The following DGAT2 variants were observed in gnomAD, a reference collection of about 807,000 sequenced individuals.
The protein encoded by DGAT2 is diacylglycerol O-acyltransferase 2, also known as acyl-CoA retinol O-fatty-acyltransferase.
DGAT2 carries 33 observed loss-of-function variants against 48.4 expected under a neutral mutation model. The observed-to-expected ratio is 0.68, with a 90% CI of 0.52 to 0.91. The LOEUF (loss-of-function observed/expected upper bound fraction) is 0.91. Among genes scored for constraint, DGAT2 ranks in the 40% least tolerant of loss-of-function variants. DGAT2 has a pLI of 0.00. For missense variants in DGAT2, 446 were observed against 493.7 expected (o/e 0.90, Z 0.92); for synonymous variants, 191 against 194.1 (o/e 0.98, Z 0.13).
intron 1 of DGAT2, among the ~76,000 whole-genome samples, chr11:75,778,316 T>C (rs1311133528): frequency 6.6e-6 from 1 of 152,162 alleles, no homozygotes; most frequent in Non-Finnish European, 1.5e-5. Flanking sequence ...CTAGATCTTG[T>C]CTTCAGGGCC....
intron 1 of DGAT2, among the ~76,000 whole-genome samples, chr11:75,779,473 T>C (rs1415709250): frequency 1.3e-5 from 2 of 152,208 alleles, no homozygotes; most frequent in Non-Finnish European, 2.9e-5. Flanking sequence ...TTTCCTTCTC[T>C]GTGAAACAGG....
At chr11:75,769,356 C>A (rs1404626460) in intron 1 of DGAT2, among the ~76,000 whole-genome samples, 2 of 152,156 alleles carry the variant, frequency 1.3e-5, no homozygotes, top group East Asian at 3.9e-4. Flanking sequence ...TCCCCAGCCC[C>A]CACTGCGGCT....
chr11:75,775,842 G>A (rs1339392827), intron 1 of DGAT2: 1 of 152,274 alleles, frequency 6.6e-6, no homozygotes, highest in Non-Finnish European at 1.5e-5. Flanking sequence ...GGCCTCCCCT[G>A]GATTCCTAGT....
chr11:75,784,344 T>C (rs756394525), intron 1 of DGAT2: 2 of 306,256 alleles, frequency 6.5e-6, no homozygotes, highest in Non-Finnish European at 1.2e-5. Context: ...GACTAGCCTC[T>C]TTAGATACTT....
At chr11:75,790,366 C>A in intron 3 of DGAT2, 71 bp downstream of exon 3, 1 of 1,299,058 alleles carries the variant, frequency 7.7e-7, no homozygotes, top group Non-Finnish European at 1.1e-6. Flanking sequence ...AGCTGAAGGG[C>A]CTCATCCTGA....
At chr11:75,769,318 T>G (rs1944733009) in intron 1 of DGAT2, among the ~76,000 whole-genome samples, 3 of 152,086 alleles carry the variant, frequency 2.0e-5, no homozygotes, top group African/African-American at 7.2e-5. Flanking sequence ...CCCACCATTC[T>G]TAGTTATTAG....
chr11:75,773,386 C>T (rs952547323), intron 1 of DGAT2, among the ~76,000 whole-genome samples: 1 of 152,210 alleles, frequency 6.6e-6, no homozygotes, highest in Non-Finnish European at 1.5e-5. Flanking sequence ...TTATTAGAAG[C>T]CCGAGAGCTG....
At chr11:75,790,825 C>A in intron 4 of DGAT2, 94 bp downstream of exon 4, 3 of 1,289,568 alleles carry the variant, frequency 2.3e-6, no homozygotes, top group Non-Finnish European at 3.4e-6. Context: ...AAGTTTAGAC[C>A]AAGTTGGTCT....
At chr11:75,796,644 C>A in intron 5 of DGAT2, 112 bp downstream of exon 5, 1 of 1,147,694 alleles carries the variant, frequency 8.7e-7, no homozygotes, top group Non-Finnish European at 1.2e-6. Context: ...GCTGGGCCTG[C>A]ATTGGGAGAT....
intron 2 of DGAT2, among the ~76,000 whole-genome samples, chr11:75,786,948 C>T (rs537231909): frequency 6.6e-6 from 1 of 152,152 alleles, no homozygotes; most frequent in Non-Finnish European, 1.5e-5. Flanking sequence ...AATATCTATA[C>T]ATTAAAAAAG....
At chr11:75,780,246 G>A (rs1944847120) in intron 1 of DGAT2, among the ~76,000 whole-genome samples, 1 of 152,206 alleles carries the variant, frequency 6.6e-6, no homozygotes, top group Admixed American at 6.5e-5. Flanking sequence ...AGCTTCTGCT[G>A]GACTCCTCCC....
rs1287275690 is a variant in DGAT2, at chr11:75,790,266, T to G, written c.329T>G (p.Leu110Arg). ...ATCGCTGTGCTCTACTTCACTTGGC[T>G]GGTGTTTGACTGGAACACACCCAAG... ...WLIAVLYFTW[L>R]VFDWNTPKKG... is the part of the protein sequence containing the mutation. Residue 110 changes from leucine (L) to arginine (R), a missense_variant, in exon 3 of 8, where the codon CTG (leucine) becomes CGG (arginine). Transcript: ENST00000228027. The G allele has an allele frequency of 1.2e-5, 19 of 1,614,062 alleles. No individual in the cohort carries two copies. Among genetic ancestry groups the G allele is most frequent in the Non-Finnish European group, 1.4e-5 (16 of 1,180,028 alleles).
intron 3 of DGAT2, 133 bp downstream of exon 3, chr11:75,790,428 TG>T (rs1565317977): frequency 1.2e-6 from 1 of 865,588 alleles, no homozygotes. Flanking sequence ...CTAGTCCTTT[TG>T]GGGGGAGGTT....
rs768037688 is a variant in DGAT2, at chr11:75,784,637, C to T, written c.141C>T (p.Leu47=). 1.1e-5 allele frequency: 18 copies of T among 1,614,010 alleles called. No individual in the cohort carries two copies. The highest frequency in any genetic ancestry group is 2.7e-5 in the African/African-American group (2 of 74,934). The change falls in exon 2 of 8, where the codon CTC becomes CTT. Residue 47 remains leucine, a synonymous_variant. Transcript: ENST00000228027. ...CTGTAGGCACTGGATCCAGCATCCT[C>T]TCCGCCCTCCAGGACCTCTTCTCTG... The part of the protein sequence containing the change: ...SGRWGTGSSI[L]SALQDLFSVT...
intron 1 of DGAT2, among the ~76,000 whole-genome samples, chr11:75,769,337 G>C (rs1050650500): frequency 6.6e-6 from 1 of 152,082 alleles, no homozygotes; most frequent in South Asian, 2.1e-4. Flanking sequence ...AGGGATATTC[G>C]AGAACTCCTC....
chr11:75,793,426 C>T (rs1378458478), intron 4 of DGAT2: 1 of 152,228 alleles, frequency 6.6e-6, no homozygotes, highest in East Asian at 1.9e-4. Context: ...TTTAAAGAGC[C>T]ACCTGGGGCC....
At chr11:75,772,456 T>A (rs1023665610) in intron 1 of DGAT2, among the ~76,000 whole-genome samples, 2 of 152,058 alleles carry the variant, frequency 1.3e-5, no homozygotes, top group African/African-American at 4.8e-5. Flanking sequence ...CCCAATTCAG[T>A]CTTACCTCAG....
At chr11:75,776,978 TAAAA>T (rs940701689) in intron 1 of DGAT2, 1 of 152,364 alleles carries the variant, frequency 6.6e-6, no homozygotes, top group Non-Finnish European at 1.5e-5. Context: ...GTGCACCTCT[TAAAA>T]AACTGTTTGC....
At chr11:75,773,434 G>A (rs1944776506) in intron 1 of DGAT2, among the ~76,000 whole-genome samples, 1 of 152,216 alleles carries the variant, frequency 6.6e-6, no homozygotes, top group African/African-American at 2.4e-5. Flanking sequence ...ATGTGGCTGG[G>A]GGCTTCACTT....
Sources: gnomAD v4.1 joint callset for allele counts (sites outside exome capture counted in the v4.1 genomes callset) on GRCh38, gnomAD v4.1.1 for gene constraint, MANE v1.5 for transcripts, NCBI Gene and HGNC (gene_info 2026-07-23, HGNC 2026-07-21) for gene names.